LAMA1: variants seen among roughly 807,000 people sequenced by gnomAD.
LAMA1 encodes laminin subunit alpha-1.
Under a neutral mutation model 348.7 loss-of-function variants are expected in LAMA1, and 219 were observed. That is an observed-to-expected ratio of 0.63 (90% confidence interval 0.56 to 0.70). LAMA1 has a LOEUF of 0.70. LAMA1 is among the 30% of genes least tolerant of loss of function. LAMA1 has a pLI of 0.00. For synonymous variants in LAMA1, 1,487 were observed against 1,491.0 expected (o/e 1.00, Z 0.06); for missense variants, 3,744 against 3,888.0 (o/e 0.96, Z 0.99).
rs2057874106 is a variant in LAMA1 at position 7,014,047 on chromosome 18, C to T, written c.3131G>A (p.Cys1044Tyr). The change falls in exon 23 of 63, where the codon TGC becomes TAC. Residue 1044 changes from cysteine (C) to tyrosine (Y), a missense_variant. Coordinates refer to ENST00000389658, the MANE Select transcript of LAMA1 (RefSeq NM_005559.4). Reference sequence around the variant, plus strand: ...AGTCGACCCCACGAGACTGCAATTGCAGGCCTGAGAGAAGGGAAAACCAAC... The same window carrying T: ...AGTCGACCCCACGAGACTGCAATTGTAGGCCTGAGAGAAGGGAAAACCAAC... ...GYDAEVGCQACNCSLVGSTHH... is the reference protein window; with the variant it reads ...GYDAEVGCQAYNCSLVGSTHH... 1.2e-6 allele frequency: 2 copies of T among 1,613,138 alleles called. No homozygotes were observed. The highest frequency in any genetic ancestry group is 2.7e-5 in the African/African-American group (2 of 75,018).
intron 41 of LAMA1, among the ~76,000 whole-genome samples, chr18:6,981,915 T>G (rs1447202025): frequency 6.6e-6 from 1 of 152,238 alleles, no homozygotes; most frequent in Non-Finnish European, 1.5e-5. Flanking sequence ...AACAGATTCC[T>G]GCTGCCACTT....
chr18:7,012,487 T>G (rs2057865505), intron 23 of LAMA1, among the ~76,000 whole-genome samples: 1 of 131,462 alleles, frequency 7.6e-6, no homozygotes, highest in African/African-American at 3.3e-5. Context: ...ATATTATTAT[T>G]ATTATTATTA....
chr18:6,967,590 A>G (rs1287089859), intron 48 of LAMA1, among the ~76,000 whole-genome samples: 1 of 152,218 alleles, frequency 6.6e-6, no homozygotes, highest in Non-Finnish European at 1.5e-5. Flanking sequence ...AGTGCCTGGC[A>G]CACAACAGAT....
chr18:7,048,367 G>C (rs1202868852), intron 5 of LAMA1, among the ~76,000 whole-genome samples: 2 of 152,132 alleles, frequency 1.3e-5, no homozygotes, highest in African/African-American at 4.8e-5. Context: ...AGTGCAGCCA[G>C]AACTCTCACA....
intron 60 of LAMA1, among the ~76,000 whole-genome samples, 195 bp downstream of exon 60, chr18:6,948,208 G>T (rs1410816755): frequency 6.6e-6 from 1 of 152,202 alleles, no homozygotes; most frequent in Admixed American, 6.5e-5. Context: ...GGGAGACTTT[G>T]TCAGGCCATC....
chr18:7,001,918 G>C (rs2057809390), intron 30 of LAMA1, among the ~76,000 whole-genome samples: 1 of 152,066 alleles, frequency 6.6e-6, no homozygotes, highest in African/African-American at 2.4e-5. Flanking sequence ...CCCTTAAATG[G>C]TAATTGGGTT....
chr18:6,942,287 T>C (rs763731254), intron 62 of LAMA1, 48 bp from the exon 63 acceptor site: 2 of 1,597,644 alleles, frequency 1.3e-6, no homozygotes, highest in South Asian at 2.2e-5. Flanking sequence ...TTTGTTGAAA[T>C]GCGATCCATA....
chr18:7,033,583 G>C (rs906885216), intron 14 of LAMA1, among the ~76,000 whole-genome samples: 5 of 152,072 alleles, frequency 3.3e-5, no homozygotes, highest in African/African-American at 1.2e-4. Context: ...TCAATGTTTG[G>C]TACAAAGTCA....
chr18:7,006,616 G>A (rs1473773373), intron 29 of LAMA1, among the ~76,000 whole-genome samples: 1 of 152,148 alleles, frequency 6.6e-6, no homozygotes, highest in Non-Finnish European at 1.5e-5. Context: ...TCGTCACGGT[G>A]TGAACGTCAT....
At chr18:7,045,537 A>G (rs2058038395) in intron 6 of LAMA1, among the ~76,000 whole-genome samples, 1 of 152,294 alleles carries the variant, frequency 6.6e-6, no homozygotes. Context: ...TAATGCTAAA[A>G]GAGATAAACT....
At chr18:7,066,908 C>T (rs897735379) in intron 3 of LAMA1, among the ~76,000 whole-genome samples, 5 of 152,178 alleles carry the variant, frequency 3.3e-5, no homozygotes, top group South Asian at 4.2e-4. Flanking sequence ...AATAAACTAC[C>T]GTAACAGCCA....
chr18:7,074,510 A>C (rs1244260920), intron 3 of LAMA1, among the ~76,000 whole-genome samples: 2 of 152,192 alleles, frequency 1.3e-5, no homozygotes, highest in African/African-American at 4.8e-5. Context: ...TTTCAGAATA[A>C]TTTCTCTTAA....
chr18:6,958,372 CAA>C, intron 55 of LAMA1, 103 bp downstream of exon 55: 3 of 1,302,648 alleles, frequency 2.3e-6, no homozygotes, highest in African/African-American at 2.9e-5. Flanking sequence ...TGGGAATTTG[CAA>C]AGTTTTCAAT....
rs1247828018 is a variant in LAMA1 at position 7,015,362 on chromosome 18, TAGGCTC to T, written c.3126+354_3126+359del. 5.3e-5 allele frequency among the ~76,000 whole-genome samples: 8 copies of T among 152,026 alleles called. No homozygotes were observed. In the East Asian group the frequency reaches 5.8e-4, roughly 11 times the overall value. ...ACAGCTCACTACAGCCTTGAATCCC[TAGGCTC>T]AAGTGATCCTCCTGCCTCAGTCTCC... is the stretch of plus-strand genomic sequence containing the variant. On this transcript the variant is annotated intron_variant, in intron 22 of 62. Coordinates refer to ENST00000389658, the MANE Select transcript of LAMA1 (RefSeq NM_005559.4).
intron 29 of LAMA1, among the ~76,000 whole-genome samples, 173 bp from the exon 30 acceptor site, chr18:7,002,558 C>T (rs2057812807): frequency 6.6e-6 from 1 of 152,232 alleles, no homozygotes; most frequent in Admixed American, 6.5e-5. Context: ...ACATTTCCCG[C>T]TCTGTGGCTT....
At chr18:7,048,289 GCCAA>G (rs1450925630) in intron 5 of LAMA1, among the ~76,000 whole-genome samples, 3 of 152,112 alleles carry the variant, frequency 2.0e-5, no homozygotes, top group Non-Finnish European at 4.4e-5. Flanking sequence ...GTCACAAAAT[GCCAA>G]TACACGCACA....
Position 6,997,891 on chromosome 18 carries a change from G to T in LAMA1, c.4664-7C>A. 6.2e-7 allele frequency: 1 copy of T among 1,613,760 alleles called. No homozygotes were observed. The highest frequency in any genetic ancestry group is 1.1e-5 in the South Asian group (1 of 91,082). ...ACACACTCATCATCACAGGCTACAA[G>T]ACAAATTTTTAAAAAGGAGAGTTAA... On this transcript the variant is annotated splice_region_variant and splice_polypyrimidine_tract_variant and intron_variant, in intron 32 of 62. Coordinates refer to ENST00000389658, the MANE Select transcript of LAMA1 (RefSeq NM_005559.4).
In LAMA1 at chr18:7,023,326, C is replaced by A. The variant is rs763245958; in HGVS notation, c.2539G>T (p.Val847Phe). The A allele has an allele frequency of 2.5e-6, 4 of 1,614,060 alleles. No individual in the cohort carries two copies. The highest frequency in any genetic ancestry group is 2.2e-5 in the East Asian group (1 of 44,888). Residue 847 changes from valine (V) to phenylalanine (F), a missense_variant, in exon 19 of 63, where the codon GTT becomes TTT. Val to Phe is a conservative substitution (Grantham distance 50). This residue lies in a region of LAMA1 where 1,529 missense variants were observed against 1,689.4 expected (regional missense o/e 0.91). Transcript: ENST00000389658. ...ACGTTGCCGCTGCAGTCACAGGGAA[C>A]ACAAGATTCGCCAGGCACTGTTGGG... ...GNPTVPGESC[V>F]PCDCSGNVDP...
chr18:7,064,875 C>T (rs2058116148), intron 3 of LAMA1, among the ~76,000 whole-genome samples: 1 of 152,078 alleles, frequency 6.6e-6, no homozygotes, highest in African/African-American at 2.4e-5. Flanking sequence ...GTAAATACTA[C>T]GGAGGAAAAG....
Sources: gnomAD v4.1 joint callset for allele counts (sites outside exome capture counted in the v4.1 genomes callset) on GRCh38, gnomAD v4.1.1 for gene constraint, gnomAD v4.1.1 regional missense constraint, MANE v1.5 for transcripts, NCBI Gene and HGNC (gene_info 2026-07-23, HGNC 2026-07-21) for gene names.